Variants in APBA1 observed in about 807,000 individuals in gnomAD.
APBA1 encodes the protein amyloid beta precursor protein binding family A member 1.
Under a neutral mutation model 86.6 loss-of-function variants are expected in APBA1, and 55 were observed. That is an observed-to-expected ratio of 0.64 (90% confidence interval 0.51 to 0.80). APBA1 has a LOEUF of 0.80. APBA1 is among the 30% of genes least tolerant of loss of function. The probability of loss-of-function intolerance (pLI) is 0.00; values close to 1 mark genes in which losing one functional copy is unlikely to be tolerated. For synonymous variants in APBA1, 511 were observed against 493.9 expected (o/e 1.03, Z -0.46); for missense variants, 1,090 against 1,183.0 (o/e 0.92, Z 1.15).
chr9:69,544,899 G>T (rs954493418), intron 1 of APBA1, among the ~76,000 whole-genome samples: 2 of 152,130 alleles, frequency 1.3e-5, no homozygotes, highest in East Asian at 1.9e-4. Flanking sequence ...TTGGCCCACC[G>T]GTTAAAATCC....
intron 3 of APBA1, among the ~76,000 whole-genome samples, chr9:69,473,958 C>T (rs1835404851): frequency 6.6e-6 from 1 of 152,150 alleles, no homozygotes; most frequent in Admixed American, 6.5e-5. Flanking sequence ...CTTGTAGGAA[C>T]TGAGAAACTA....
intron 3 of APBA1, 89 bp downstream of exon 3, chr9:69,475,959 C>T (rs1476369175): frequency 2.5e-5 from 26 of 1,026,998 alleles, no homozygotes; most frequent in Middle Eastern, 2.0e-4. Context: ...GGGTCAGGAG[C>T]GCTGTAGGAT....
At chr9:69,487,172 G>A (rs894510527) in intron 2 of APBA1, among the ~76,000 whole-genome samples, 26 of 151,952 alleles carry the variant, frequency 1.7e-4, no homozygotes, top group African/African-American at 6.3e-4. Context: ...CAGAGAGCAG[G>A]GCCATGATGT....
chr9:69,650,841 A>G (rs752769665), intron 1 of APBA1, among the ~76,000 whole-genome samples: 6 of 152,248 alleles, frequency 3.9e-5, no homozygotes, highest in Non-Finnish European at 2.9e-5. Flanking sequence ...ACAGAAAGGT[A>G]CTTATTATAA....
At chr9:69,527,871 C>G (rs1836368017) in intron 1 of APBA1, among the ~76,000 whole-genome samples, 1 of 152,094 alleles carries the variant, frequency 6.6e-6, no homozygotes. Flanking sequence ...TTTGTTATAT[C>G]TGATTTTTTA....
chr9:69,456,244 T>TA lies in APBA1; in HGVS notation c.1788+2dup. On this transcript the variant is annotated splice_region_variant and intron_variant, in intron 8 of 12. Coordinates refer to ENST00000265381, the MANE Select transcript of APBA1 (RefSeq NM_001163.4). ...AAAGGAGATCAAAGGAAGCAACCCTTACATCCTCAGACTCGAAGACGTGGC... is the reference window on the plus strand; with the variant it reads ...AAAGGAGATCAAAGGAAGCAACCCTTAACATCCTCAGACTCGAAGACGTGGC... The TA allele has an allele frequency of 6.2e-7, 1 of 1,614,162 alleles. No homozygotes were observed. Among genetic ancestry groups the TA allele is most frequent in the Non-Finnish European group, 8.5e-7 (1 of 1,180,012 alleles).
intron 1 of APBA1, among the ~76,000 whole-genome samples, chr9:69,529,226 G>T (rs988602716): frequency 5.3e-5 from 8 of 152,114 alleles, no homozygotes; most frequent in Middle Eastern, 3.4e-3. Context: ...CTATGCTAGG[G>T]CTATACTAAA....
At chr9:69,520,153 C>T (rs1836229197) in intron 1 of APBA1, among the ~76,000 whole-genome samples, 1 of 152,048 alleles carries the variant, frequency 6.6e-6, no homozygotes, top group Non-Finnish European at 1.5e-5. Context: ...TGGGGGTTTC[C>T]CTAGGACAAA....
chr9:69,452,319 G>A lies in APBA1; in HGVS notation c.1789-18C>T, dbSNP rs777660054. 3 of 1,613,100 alleles carry A rather than the reference G, an allele frequency of 1.9e-6. No individual in the cohort carries two copies. The highest frequency in any genetic ancestry group is 2.5e-6 in the Non-Finnish European group (3 of 1,179,468). On this transcript the variant is annotated intron_variant, in intron 8 of 12. Transcript: ENST00000265381. ...AGCTGAGCCTGGAACAGCAGCCAGA[G>A]AGGAAAGATGGTCAGCAGGGCAGTG...
Position 69,458,145 on chromosome 9 carries a change from T to C in APBA1, c.1515+11A>G, listed in dbSNP as rs1564037657. ...CATAACACCAAGCTGATGAAGTTGTTTGTACTGCACCTTCTTCCTGCTTTT... is the reference window on the plus strand; with the variant it reads ...CATAACACCAAGCTGATGAAGTTGTCTGTACTGCACCTTCTTCCTGCTTTT... On this transcript the variant is annotated intron_variant, in intron 6 of 12. Transcript: ENST00000265381. 1 of 1,609,630 alleles carries C rather than the reference T, an allele frequency of 6.2e-7. No individual in the cohort carries two copies. The highest frequency in any genetic ancestry group is 2.2e-5 in the East Asian group (1 of 44,780).
chr9:69,598,799 G>A (rs992013010), intron 1 of APBA1, among the ~76,000 whole-genome samples: 1 of 152,208 alleles, frequency 6.6e-6, no homozygotes, highest in Non-Finnish European at 1.5e-5. Flanking sequence ...TGGGTTTCAA[G>A]TTATAGTCCG....
At chr9:69,559,288 T>C (rs1836912810) in intron 1 of APBA1, among the ~76,000 whole-genome samples, 1 of 152,212 alleles carries the variant, frequency 6.6e-6, no homozygotes, top group East Asian at 1.9e-4. Context: ...ATAATGTGCA[T>C]GCATTTAAAG....
chr9:69,440,210 A>G (rs1039189834), intron 11 of APBA1, among the ~76,000 whole-genome samples: 40 of 152,164 alleles, frequency 2.6e-4, no homozygotes, highest in African/African-American at 9.7e-4. Context: ...GGTGCCTCCC[A>G]GTTAGGCTAC....
intron 1 of APBA1, among the ~76,000 whole-genome samples, chr9:69,610,055 T>C (rs1822554621): frequency 6.6e-6 from 1 of 152,208 alleles, no homozygotes; most frequent in Admixed American, 6.5e-5. Context: ...CAGTGGCTGA[T>C]GCATGTAATT....
intron 1 of APBA1, among the ~76,000 whole-genome samples, chr9:69,534,446 C>T (rs577255169): frequency 1.3e-4 from 20 of 152,250 alleles, no homozygotes; most frequent in Non-Finnish European, 2.2e-4. Context: ...ACTATAAATG[C>T]GGAGGACTCC....
At chr9:69,644,060 G>A (rs1823344761) in intron 1 of APBA1, among the ~76,000 whole-genome samples, 1 of 152,258 alleles carries the variant, frequency 6.6e-6, no homozygotes, top group African/African-American at 2.4e-5. Context: ...ACTACAACCC[G>A]ATGTCACACT....
intron 11 of APBA1, among the ~76,000 whole-genome samples, chr9:69,434,772 T>C (rs891064665): frequency 6.6e-6 from 1 of 152,186 alleles, no homozygotes; most frequent in Admixed American, 6.5e-5. Flanking sequence ...TGTTTATTAT[T>C]ACTAAAATGT....
At chr9:69,444,088 C>T (rs993502574) in intron 10 of APBA1, among the ~76,000 whole-genome samples, 2 of 152,092 alleles carry the variant, frequency 1.3e-5, no homozygotes, top group Non-Finnish European at 2.9e-5. Flanking sequence ...AGCATCTGCT[C>T]CCCCCGTGCT....
chr9:69,447,798 G>A (rs1182768034), intron 10 of APBA1, among the ~76,000 whole-genome samples: 1 of 152,122 alleles, frequency 6.6e-6, no homozygotes, highest in Non-Finnish European at 1.5e-5. Context: ...TATTCTCAGA[G>A]CATCCAGAGC....
Sources: allele counts gnomAD v4.1 joint callset (sites outside exome capture counted in the v4.1 genomes callset), GRCh38; gene constraint gnomAD v4.1.1; transcripts MANE v1.5; gene names NCBI Gene and HGNC (gene_info 2026-07-23, HGNC 2026-07-21).